Variants in GNB1 observed in about 807,000 individuals in gnomAD.
The protein encoded by GNB1 is G protein subunit beta 1.
In GNB1, 2 loss-of-function variants were observed where a neutral mutation model predicts 42.9. The ratio of observed to expected loss-of-function variants is 0.05; its 90% CI spans 0.02 to 0.15. GNB1 has a LOEUF of 0.15. GNB1 is among the 10% of genes least tolerant of loss of function. The pLI is 1.00. For synonymous variants in GNB1, 183 were observed against 174.7 expected (o/e 1.05, Z -0.38); for missense variants, 193 against 462.2 (o/e 0.42, Z 5.34).
chr1:1,824,503 A>C (rs1164900517), intron 3 of GNB1, among the ~76,000 whole-genome samples: 1 of 152,128 alleles, frequency 6.6e-6, no homozygotes, highest in Non-Finnish European at 1.5e-5. Context: ...CTGGAATTTA[A>C]TGTTTTAGAA....
intron 1 of GNB1, among the ~76,000 whole-genome samples, chr1:1,887,519 T>C (rs1427202656): frequency 6.6e-6 from 1 of 152,262 alleles, no homozygotes; most frequent in East Asian, 1.9e-4. Flanking sequence ...AACATCTCCT[T>C]TGAGAAATAA....
At chr1:1,808,284 CG>C (rs1646729154) in intron 5 of GNB1, among the ~76,000 whole-genome samples, 1 of 152,124 alleles carries the variant, frequency 6.6e-6, no homozygotes. Flanking sequence ...GTATTACAAG[CG>C]TTGAGCCACT....
chr1:1,862,798 C>T (rs1245514396), intron 1 of GNB1, among the ~76,000 whole-genome samples: 1 of 152,104 alleles, frequency 6.6e-6, no homozygotes, highest in Non-Finnish European at 1.5e-5. Context: ...ATACACCCAG[C>T]AGAAAGGTAA....
At chr1:1,812,398 A>G (rs1646793939) in intron 5 of GNB1, among the ~76,000 whole-genome samples, 1 of 66,704 alleles carries the variant, frequency 1.5e-5, no homozygotes, top group Admixed American at 2.1e-4. Context: ...ATATATACAC[A>G]CACATACATA....
chr1:1,826,251 T>C (rs1041071138), intron 2 of GNB1, among the ~76,000 whole-genome samples: 1 of 151,874 alleles, frequency 6.6e-6, no homozygotes, highest in Non-Finnish European at 1.5e-5. Flanking sequence ...ACCCGATCTC[T>C]ACTAAAAATA....
intron 1 of GNB1, among the ~76,000 whole-genome samples, chr1:1,848,236 G>A (rs1005043996): frequency 7.3e-5 from 11 of 151,508 alleles, no homozygotes; most frequent in Admixed American, 2.0e-4. Flanking sequence ...AAAATTAGCC[G>A]GGCATGGTGG....
intron 1 of GNB1, among the ~76,000 whole-genome samples, chr1:1,885,374 T>C (rs558251915): frequency 4.7e-5 from 7 of 150,188 alleles, no homozygotes; most frequent in African/African-American, 1.5e-4. Context: ...GACAGCGCCA[T>C]TGCACTCCAG....
At position 1,822,447 on chromosome 1, in the gene GNB1, C is replaced by A. The variant is rs141047720; in HGVS notation, c.57+2950G>T. Among the ~76,000 whole-genome samples, 1,380 of 151,902 alleles carry A rather than the reference C, an allele frequency of 9.1e-3. 23 individuals carry two copies. The highest frequency in any genetic ancestry group is 0.031 in the African/African-American group (1,299 of 41,436). On this transcript the variant is annotated intron_variant, in intron 3 of 11. Coordinates refer to ENST00000378609, the MANE Select transcript of GNB1 (RefSeq NM_002074.5). Reference sequence around the variant, plus strand: ...CCTCCCAAGTAGTTGGGACTACAGGCGCCCACCACCACCACACCTGGCTAA... The same window carrying A: ...CCTCCCAAGTAGTTGGGACTACAGGAGCCCACCACCACCACACCTGGCTAA...
At chr1:1,886,634 C>T (rs1176385755) in intron 1 of GNB1, among the ~76,000 whole-genome samples, 2 of 152,174 alleles carry the variant, frequency 1.3e-5, no homozygotes, top group Non-Finnish European at 2.9e-5. Context: ...ACTGAATTGC[C>T]TACTTCATAA....
intron 1 of GNB1, among the ~76,000 whole-genome samples, chr1:1,853,741 T>C (rs1047561739): frequency 6.6e-6 from 1 of 152,214 alleles, no homozygotes; most frequent in Non-Finnish European, 1.5e-5. Context: ...CAGTGCTCTA[T>C]AAACCTCAGC....
At chr1:1,841,420 T>C (rs535712669) in intron 1 of GNB1, among the ~76,000 whole-genome samples, 2 of 152,344 alleles carry the variant, frequency 1.3e-5, no homozygotes, top group South Asian at 4.1e-4. Flanking sequence ...CCTCAGGTAA[T>C]CCGCCTGTTT....
In GNB1 at chr1:1,840,459, C is replaced by T. The variant is rs146375392; in HGVS notation, c.-95-1221G>A. On this transcript the variant is annotated intron_variant, in intron 1 of 11. Coordinates refer to ENST00000378609, the MANE Select transcript of GNB1 (RefSeq NM_002074.5). ...AGGAGAATTGCTTGAACACAGGAGGCGGAGATTGCAGTGAGCCGAGATCGT... is the reference window on the plus strand; with the variant it reads ...AGGAGAATTGCTTGAACACAGGAGGTGGAGATTGCAGTGAGCCGAGATCGT... Among the ~76,000 whole-genome samples, 763 of 152,260 alleles carry T rather than the reference C, an allele frequency of 5.0e-3. 4 individuals carry two copies. Among genetic ancestry groups the T allele is most frequent in the African/African-American group, 0.018 (731 of 41,546 alleles).
At chr1:1,845,116 G>A (rs1256338982) in intron 1 of GNB1, among the ~76,000 whole-genome samples, 1 of 152,022 alleles carries the variant, frequency 6.6e-6, no homozygotes, top group Non-Finnish European at 1.5e-5. Context: ...TTAGAGTTCA[G>A]TATCAATAAA....
chr1:1,876,320 T>A (rs1327328843), intron 1 of GNB1, among the ~76,000 whole-genome samples: 1 of 152,074 alleles, frequency 6.6e-6, no homozygotes, highest in Non-Finnish European at 1.5e-5. Flanking sequence ...TGTTTTTTTT[T>A]AATAGAGACA....
intron 1 of GNB1, among the ~76,000 whole-genome samples, chr1:1,855,106 C>G (rs937776822): frequency 4.6e-5 from 7 of 151,510 alleles, no homozygotes; most frequent in African/African-American, 1.5e-4. Context: ...TTACAGTGGG[C>G]CGAGATAGCT....
At chr1:1,828,894 TACACAC>T (rs71578341) in intron 2 of GNB1, among the ~76,000 whole-genome samples, 4 of 149,846 alleles carry the variant, frequency 2.7e-5, no homozygotes, top group South Asian at 2.1e-4. Context: ...CATACACACA[TACACAC>T]ACACACACAC....
At chr1:1,842,554 T>C (rs767308359) in intron 1 of GNB1, among the ~76,000 whole-genome samples, 4 of 151,992 alleles carry the variant, frequency 2.6e-5, no homozygotes. Flanking sequence ...CCCATTTACA[T>C]GAAATATCCG....
In GNB1 at chr1:1,787,302, C is replaced by A. The variant is rs1363691404; in HGVS notation, c.*9+20G>T. On this transcript the variant is annotated intron_variant, in intron 11 of 11. Coordinates refer to ENST00000378609, the MANE Select transcript of GNB1 (RefSeq NM_002074.5). This position sits in a 1 kb window ranked among gnomAD's most constrained non-coding sequence, Gnocchi z 4.4. ...ACGCACAGTTCTCCTCAGAGAAGGGCATTTGGGCTGCTGCATTACCTACTG... is the reference window on the plus strand; with the variant it reads ...ACGCACAGTTCTCCTCAGAGAAGGGAATTTGGGCTGCTGCATTACCTACTG... 6 of 1,201,138 alleles carry A rather than the reference C, an allele frequency of 5.0e-6. No homozygotes were observed. The highest frequency in any genetic ancestry group is 6.2e-6 in the Non-Finnish European group (5 of 805,496). 74.4% of individuals were successfully genotyped at this position (1,201,138 alleles called of 1,614,324 possible). A position where few individuals can be genotyped will look rare whatever the true frequency, so the allele number is the denominator to read the frequency against.
intron 5 of GNB1, among the ~76,000 whole-genome samples, chr1:1,806,972 T>C (rs1646703526): frequency 6.6e-6 from 1 of 151,748 alleles, no homozygotes; most frequent in Non-Finnish European, 1.5e-5. Context: ...AGACTCTGTT[T>C]CAAGAAAGAA....
Sources: gnomAD v4.1 joint callset for allele counts (sites outside exome capture counted in the v4.1 genomes callset) on GRCh38, gnomAD v4.1.1 for gene constraint, Gnocchi (gnomAD v3.1) non-coding constraint, MANE v1.5 for transcripts, NCBI Gene and HGNC (gene_info 2026-07-23, HGNC 2026-07-21) for gene names.